NSMCE2: variants seen among roughly 807,000 people sequenced by gnomAD.
NSMCE2 encodes NSE2 SUMO ligase component of SMC5/6 complex.
Under a neutral mutation model 23.8 loss-of-function variants are expected in NSMCE2, and 24 were observed. The ratio of observed to expected loss-of-function variants is 1.01; its 90% CI spans 0.73 to 1.42. The LOEUF (loss-of-function observed/expected upper bound fraction) is 1.42. NSMCE2 is among the 40% of genes most tolerant of loss of function. The probability of loss-of-function intolerance (pLI) is 0.00; values close to 1 mark genes in which losing one functional copy is unlikely to be tolerated. For synonymous variants in NSMCE2, 92 were observed against 94.1 expected (o/e 0.98, Z 0.13); for missense variants, 284 against 296.5 (o/e 0.96, Z 0.31).
intron 5 of NSMCE2, among the ~76,000 whole-genome samples, chr8:125,234,239 G>A (rs1825449260): frequency 6.6e-6 from 1 of 152,024 alleles, no homozygotes; most frequent in East Asian, 1.9e-4. Context: ...CCTTGACCAG[G>A]CTATAAGTTC....
intron 5 of NSMCE2, among the ~76,000 whole-genome samples, chr8:125,322,923 G>C (rs1414456605): frequency 6.6e-6 from 1 of 152,202 alleles, no homozygotes; most frequent in Non-Finnish European, 1.5e-5. Context: ...GCTGGGTGTG[G>C]TGACGCATGC....
intron 5 of NSMCE2, among the ~76,000 whole-genome samples, chr8:125,346,927 A>G (rs1380693622): frequency 6.6e-6 from 1 of 152,224 alleles, no homozygotes; most frequent in African/African-American, 2.4e-5. Context: ...GAAAGGGTAT[A>G]TCTTACTAAA....
intron 5 of NSMCE2, among the ~76,000 whole-genome samples, chr8:125,326,681 C>T (rs1229062848): frequency 4.6e-5 from 7 of 152,288 alleles, no homozygotes; most frequent in East Asian, 3.9e-4. Context: ...GCGGGCCAGG[C>T]GCAATGGCTC....
At chr8:125,334,900 T>C (rs896297444) in intron 5 of NSMCE2, among the ~76,000 whole-genome samples, 3 of 148,578 alleles carry the variant, frequency 2.0e-5, no homozygotes, top group African/African-American at 7.5e-5. Flanking sequence ...GACTACAGGA[T>C]GTACACCACC....
chr8:125,358,596 G>A (rs1161528311), intron 7 of NSMCE2, among the ~76,000 whole-genome samples: 1 of 152,064 alleles, frequency 6.6e-6, no homozygotes, highest in Admixed American at 6.6e-5. Flanking sequence ...AGAATCCTGA[G>A]TTAGCCAGAC....
At chr8:125,344,370 G>A (rs1347265790) in intron 5 of NSMCE2, among the ~76,000 whole-genome samples, 2 of 152,140 alleles carry the variant, frequency 1.3e-5, no homozygotes, top group Non-Finnish European at 2.9e-5. Flanking sequence ...CAAATATGCA[G>A]TAGTTATGTC....
intron 3 of NSMCE2, among the ~76,000 whole-genome samples, chr8:125,114,704 G>A (rs1489091970): frequency 6.6e-6 from 1 of 152,204 alleles, no homozygotes; most frequent in East Asian, 1.9e-4. Flanking sequence ...GCAAAGAACT[G>A]TGCAGCCTAA....
At chr8:125,132,819 G>A (rs1277239796) in intron 3 of NSMCE2, among the ~76,000 whole-genome samples, 1 of 152,174 alleles carries the variant, frequency 6.6e-6, no homozygotes, top group East Asian at 1.9e-4. Context: ...GTTAAAAATG[G>A]ATACAATACT....
chr8:125,249,170 CAAA>C (rs757506151), intron 5 of NSMCE2, among the ~76,000 whole-genome samples: 1 of 112,810 alleles, frequency 8.9e-6, no homozygotes. Flanking sequence ...GACTCTGTCT[CAAA>C]AAAAAAAAAA....
At chr8:125,172,943 A>C (rs1300670860) in intron 4 of NSMCE2, among the ~76,000 whole-genome samples, 2 of 152,102 alleles carry the variant, frequency 1.3e-5, no homozygotes, top group African/African-American at 4.8e-5. Context: ...GTGAGGAAGG[A>C]GGCTTTGAGT....
rs1022272835 is a variant in NSMCE2, at chr8:125,168,646, C to A, written c.265-13457C>A. On this transcript the variant is annotated intron_variant, in intron 4 of 7. Coordinates refer to ENST00000287437, the MANE Select transcript of NSMCE2 (RefSeq NM_173685.4). The stretch of plus-strand genomic sequence containing the variant: ...GGGCCTCTTTTATGATGGCACAAGT[C>A]CCATTAATGAGGGCTTTGCCCTCGT... Among the ~76,000 whole-genome samples, 3 of 152,196 alleles carry A rather than the reference C, an allele frequency of 2.0e-5. 1 individual carries two copies. Among genetic ancestry groups the A allele is most frequent in the Non-Finnish European group, 4.4e-5 (3 of 68,036 alleles).
intron 5 of NSMCE2, among the ~76,000 whole-genome samples, chr8:125,239,749 A>G (rs1259010613): frequency 3.3e-5 from 5 of 152,232 alleles, no homozygotes; most frequent in Non-Finnish European, 7.3e-5. Context: ...ACATTTGTAA[A>G]AATATACCCA....
At chr8:125,271,330 C>T (rs1827182179) in intron 5 of NSMCE2, among the ~76,000 whole-genome samples, 1 of 150,944 alleles carries the variant, frequency 6.6e-6, no homozygotes. Context: ...AAGATACTAT[C>T]AAAGTGGACA....
intron 5 of NSMCE2, among the ~76,000 whole-genome samples, chr8:125,314,396 T>C (rs559288315): frequency 7.2e-5 from 11 of 152,174 alleles, no homozygotes; most frequent in Admixed American, 2.0e-4. Flanking sequence ...TTCAAGCGAT[T>C]CTCCTGCCTC....
intron 4 of NSMCE2, among the ~76,000 whole-genome samples, chr8:125,157,659 A>G (rs1410840907): frequency 6.6e-6 from 1 of 152,332 alleles, no homozygotes; most frequent in South Asian, 2.1e-4. Flanking sequence ...AATAATCTAG[A>G]TATAAAATTT....
At chr8:125,112,763 G>A (rs1818827765) in intron 3 of NSMCE2, among the ~76,000 whole-genome samples, 3 of 152,214 alleles carry the variant, frequency 2.0e-5, no homozygotes, top group South Asian at 4.1e-4. Context: ...GAGGACTGGG[G>A]AAATGTTGGT....
chr8:125,197,597 G>A (rs1823679844), intron 5 of NSMCE2, among the ~76,000 whole-genome samples: 1 of 152,186 alleles, frequency 6.6e-6, no homozygotes, highest in African/African-American at 2.4e-5. Flanking sequence ...TTTGGTTACT[G>A]TAGCCTTGTA....
intron 5 of NSMCE2, among the ~76,000 whole-genome samples, chr8:125,259,617 A>G (rs894187219): frequency 1.3e-5 from 2 of 152,170 alleles, no homozygotes; most frequent in Non-Finnish European, 2.9e-5. Flanking sequence ...TACTTGCTTG[A>G]GTTATCCCAT....
chr8:125,365,931 C>T (rs1281838603), intron 7 of NSMCE2, among the ~76,000 whole-genome samples: 3 of 152,190 alleles, frequency 2.0e-5, no homozygotes, highest in Non-Finnish European at 4.4e-5. Flanking sequence ...CAACTGCTCT[C>T]CCTCTTGCCT....
Sources: gnomAD v4.1 joint callset for allele counts (sites outside exome capture counted in the v4.1 genomes callset) on GRCh38, gnomAD v4.1.1 for gene constraint, MANE v1.5 for transcripts, NCBI Gene and HGNC (gene_info 2026-07-23, HGNC 2026-07-21) for gene names.